FBXL20: variants seen among roughly 807,000 people sequenced by gnomAD.
The protein encoded by FBXL20 is F-box and leucine rich repeat protein 20, also known as F-box/LRR-repeat protein 20.
Under a neutral mutation model 64.0 loss-of-function variants are expected in FBXL20, and 11 were observed. That is an observed-to-expected ratio of 0.17 (90% CI 0.11 to 0.28). The LOEUF (loss-of-function observed/expected upper bound fraction) is 0.28, where lower values mean the gene tolerates loss of function less well. Among genes scored for constraint, FBXL20 ranks in the 10% least tolerant of loss-of-function variants. FBXL20 has a pLI of 1.00. For synonymous variants in FBXL20, 184 were observed against 189.0 expected (o/e 0.97, Z 0.22); for missense variants, 303 against 526.2 (o/e 0.58, Z 4.15).
At chr17:39,369,841 GC>G (rs1258676271) in intron 1 of FBXL20, among the ~76,000 whole-genome samples, 1 of 152,116 alleles carries the variant, frequency 6.6e-6, no homozygotes, top group Non-Finnish European at 1.5e-5. Context: ...TCGCCATGTT[GC>G]CCAGATTAGT....
chr17:39,392,466 CA>C (rs1463601086), intron 1 of FBXL20, among the ~76,000 whole-genome samples: 30 of 145,574 alleles, frequency 2.1e-4, no homozygotes, highest in Non-Finnish European at 2.6e-4. Flanking sequence ...GAAAAGAAAA[CA>C]AAAAACAAAA....
intron 7 of FBXL20, among the ~76,000 whole-genome samples, chr17:39,284,971 C>T (rs552914901): frequency 6.8e-6 from 1 of 147,274 alleles, no homozygotes; most frequent in Non-Finnish European, 1.5e-5. Flanking sequence ...CAGAGTCTCA[C>T]TCTGTCAGCA....
In FBXL20 at chr17:39,303,573, A is replaced by C. The variant is rs770628714; in HGVS notation, c.159+12T>G. On this transcript the variant is annotated intron_variant, in intron 3 of 14. Coordinates refer to ENST00000264658, the MANE Select transcript of FBXL20 (RefSeq NM_032875.3). ...GAAGGGGTCCCCCTGTAACTATGCC[A>C]ACAATACTTACCCTGGAGACCTGAG... 8 of 1,607,472 alleles carry C rather than the reference A, an allele frequency of 5.0e-6. No homozygotes were observed. The highest frequency in any genetic ancestry group is 2.7e-5 in the African/African-American group (2 of 74,740).
chr17:39,392,119 A>G (rs899955717), intron 1 of FBXL20, among the ~76,000 whole-genome samples: 1 of 152,100 alleles, frequency 6.6e-6, no homozygotes, highest in African/African-American at 2.4e-5. Context: ...CCCAGGCGAC[A>G]GTGCGAGACT....
At chr17:39,387,711 G>C (rs2144668859) in intron 1 of FBXL20, among the ~76,000 whole-genome samples, 1 of 151,784 alleles carries the variant, frequency 6.6e-6, no homozygotes, top group Non-Finnish European at 1.5e-5. Flanking sequence ...CCAAGTAGTT[G>C]GGACTACAGG....
At chr17:39,369,545 GT>G (rs1324793242) in intron 1 of FBXL20, among the ~76,000 whole-genome samples, 16 of 152,058 alleles carry the variant, frequency 1.1e-4, no homozygotes, top group Admixed American at 1.0e-3. Context: ...AAGAGACGGG[GT>G]TTCACCATGC....
At chr17:39,283,591 G>GA (rs1253996376) in intron 7 of FBXL20, among the ~76,000 whole-genome samples, 1 of 152,006 alleles carries the variant, frequency 6.6e-6, no homozygotes, top group Admixed American at 6.6e-5. Flanking sequence ...TTGGATTTTT[G>GA]AAACGGGGAT....
At chr17:39,298,093 TA>T (rs999363907) in intron 5 of FBXL20, among the ~76,000 whole-genome samples, 11 of 151,998 alleles carry the variant, frequency 7.2e-5, no homozygotes, top group African/African-American at 2.4e-4. Flanking sequence ...TATTTTAAAT[TA>T]AAAAAATAAA....
intron 1 of FBXL20, among the ~76,000 whole-genome samples, chr17:39,377,949 G>A (rs965687855): frequency 3.3e-5 from 5 of 152,140 alleles, no homozygotes; most frequent in Non-Finnish European, 2.9e-5. Flanking sequence ...GGAGTTTGAC[G>A]CTTCAGTGAA....
At chr17:39,364,884 G>A (rs1186686767) in intron 1 of FBXL20, among the ~76,000 whole-genome samples, 1 of 152,186 alleles carries the variant, frequency 6.6e-6, no homozygotes, top group Non-Finnish European at 1.5e-5. Flanking sequence ...ACCTATTGGG[G>A]AGATGGCAGG....
chr17:39,402,311 C>T (rs2048256928), upstream of FBXL20: 6 of 897,064 alleles, frequency 6.7e-6, no homozygotes, highest in East Asian at 1.7e-4. Context: ...CCCCGCCTCC[C>T]CCGCCCCAGT....
At chr17:39,269,928 T>C (rs2046828318) in intron 11 of FBXL20, among the ~76,000 whole-genome samples, 1 of 152,242 alleles carries the variant, frequency 6.6e-6, no homozygotes, top group Non-Finnish European at 1.5e-5. Context: ...TGGCCTCCTT[T>C]AGTCATGCCA....
chr17:39,282,904 A>G (rs754556539), intron 7 of FBXL20, 49 bp from the exon 8 acceptor site: 8 of 1,603,916 alleles, frequency 5.0e-6, no homozygotes, highest in Admixed American at 3.4e-5. Flanking sequence ...TCCAATTCCA[A>G]AAACACCAAC....
At chr17:39,298,081 A>G (rs565818421) in intron 5 of FBXL20, among the ~76,000 whole-genome samples, 73 of 152,074 alleles carry the variant, frequency 4.8e-4, no homozygotes, top group African/African-American at 1.7e-3. Flanking sequence ...AACTTTAAAA[A>G]TTATTTTAAA....
chr17:39,382,756 C>T (rs2048037449), intron 1 of FBXL20, among the ~76,000 whole-genome samples: 1 of 151,980 alleles, frequency 6.6e-6, no homozygotes, highest in African/African-American at 2.4e-5. Context: ...AGGAGGATCA[C>T]TAGAGCTCAG....
chr17:39,362,486 G>C (rs548971634), intron 1 of FBXL20, among the ~76,000 whole-genome samples: 1 of 151,286 alleles, frequency 6.6e-6, no homozygotes, highest in Non-Finnish European at 1.5e-5. Flanking sequence ...ACCACACCCA[G>C]CTAATTTTCT....
At chr17:39,303,474 A>G (rs2047155787) in intron 3 of FBXL20, 111 bp downstream of exon 3, 1 of 879,170 alleles carries the variant, frequency 1.1e-6, no homozygotes, top group South Asian at 2.1e-5. Flanking sequence ...ATCTCCTTTA[A>G]AACATGAAAA....
At chr17:39,398,087 G>C (rs916737283) in intron 1 of FBXL20, among the ~76,000 whole-genome samples, 10 of 129,566 alleles carry the variant, frequency 7.7e-5, no homozygotes, top group African/African-American at 2.3e-4. Flanking sequence ...CTCGAGACCA[G>C]CCTGGCCAAC....
intron 1 of FBXL20, among the ~76,000 whole-genome samples, chr17:39,350,415 G>T (rs2052185407): frequency 6.6e-6 from 1 of 151,560 alleles, no homozygotes; most frequent in South Asian, 2.1e-4. Flanking sequence ...CTTGAACCTG[G>T]AAGGCAGAGG....
Sources: gnomAD v4.1 joint callset for allele counts (sites outside exome capture counted in the v4.1 genomes callset) on GRCh38, gnomAD v4.1.1 for gene constraint, MANE v1.5 for transcripts, NCBI Gene and HGNC (gene_info 2026-07-23, HGNC 2026-07-21) for gene names.